LYPD6: variants seen among roughly 807,000 people sequenced by gnomAD.
LYPD6 encodes LY6/PLAUR domain containing 6.
In LYPD6, 15 loss-of-function variants were observed where a neutral mutation model predicts 22.7. That is an observed-to-expected ratio of 0.66 (90% CI 0.44 to 1.02). The LOEUF is 1.02. Ranked by LOEUF, LYPD6 falls within the 50% of genes least tolerant of loss-of-function variation. The pLI is 0.00. For missense variants in LYPD6, 189 were observed against 208.4 expected (o/e 0.91, Z 0.57); for synonymous variants, 72 against 77.5 (o/e 0.93, Z 0.37).
At chr2:149,467,729 A>G (rs1179099262) in intron 3 of LYPD6, among the ~76,000 whole-genome samples, 1 of 152,194 alleles carries the variant, frequency 6.6e-6, no homozygotes, top group Non-Finnish European at 1.5e-5. Context: ...CTTAAGAATT[A>G]TTCATTTTCT....
chr2:149,435,978 A>G (rs1473010434), intron 1 of LYPD6, among the ~76,000 whole-genome samples: 3 of 152,256 alleles, frequency 2.0e-5, no homozygotes, highest in Admixed American at 1.3e-4. Flanking sequence ...AAGTTATAAT[A>G]CTATTCACTT....
chr2:149,411,429 G>A (rs1682847451), intron 1 of LYPD6, among the ~76,000 whole-genome samples: 1 of 151,984 alleles, frequency 6.6e-6, no homozygotes, highest in Non-Finnish European at 1.5e-5. Flanking sequence ...CTTAATCATA[G>A]GCATTCCATT....
the LYPD6 span, among the ~76,000 whole-genome samples, chr2:149,483,978 A>G: frequency 6.6e-6 from 1 of 152,192 alleles, no homozygotes; most frequent in African/African-American, 2.4e-5. Flanking sequence ...TTCAGCCACC[A>G]AAAAGCGAAG....
chr2:149,357,622 A>C (rs373826820), intron 1 of LYPD6, among the ~76,000 whole-genome samples: 3 of 152,166 alleles, frequency 2.0e-5, no homozygotes, highest in Admixed American at 6.5e-5. Context: ...ATGAACTTTA[A>C]GGTGGTGATA....
chr2:149,359,271 C>G (rs562970479), intron 1 of LYPD6, among the ~76,000 whole-genome samples: 1 of 152,230 alleles, frequency 6.6e-6, no homozygotes, highest in Admixed American at 6.5e-5. Context: ...ATGGGGGTGT[C>G]CAGGCTAATG....
intron 1 of LYPD6, among the ~76,000 whole-genome samples, chr2:149,430,791 G>C (rs1404117801): frequency 2.6e-5 from 4 of 152,178 alleles, no homozygotes; most frequent in African/African-American, 9.6e-5. Flanking sequence ...TTTTCATCTA[G>C]TGACCAGTTT....
At chr2:149,479,966 C>A in the LYPD6 span, among the ~76,000 whole-genome samples, 3 of 151,998 alleles carry the variant, frequency 2.0e-5, no homozygotes, top group African/African-American at 7.2e-5. Context: ...ACACCTGTTA[C>A]ATGCCCTTTG....
intron 1 of LYPD6, among the ~76,000 whole-genome samples, chr2:149,333,103 AAG>A (rs1680970123): frequency 6.6e-6 from 1 of 152,232 alleles, no homozygotes; most frequent in Non-Finnish European, 1.5e-5. Flanking sequence ...TTATTTTAAA[AAG>A]AATTGACAAA....
chr2:149,334,143 A>G (rs559527144), intron 1 of LYPD6, among the ~76,000 whole-genome samples: 1 of 152,322 alleles, frequency 6.6e-6, no homozygotes, highest in African/African-American at 2.4e-5. Flanking sequence ...GCTTACCTGG[A>G]TACATGTAAT....
intron 1 of LYPD6, among the ~76,000 whole-genome samples, chr2:149,377,469 G>A (rs372313302): frequency 1.1e-4 from 16 of 152,218 alleles, no homozygotes; most frequent in South Asian, 6.2e-4. Flanking sequence ...TCACAGGCCC[G>A]GTAATAATGT....
At chr2:149,436,430 A>G (rs1276198629) in intron 1 of LYPD6, among the ~76,000 whole-genome samples, 1 of 152,252 alleles carries the variant, frequency 6.6e-6, no homozygotes, top group East Asian at 1.9e-4. Flanking sequence ...ATAAAAATTA[A>G]GACAGATCTC....
chr2:149,425,865 T>C (rs1292242226), intron 1 of LYPD6, among the ~76,000 whole-genome samples: 2 of 152,228 alleles, frequency 1.3e-5, no homozygotes, highest in Non-Finnish European at 2.9e-5. Flanking sequence ...ATAGTTTAGG[T>C]TGATTTAGCC....
chr2:149,480,010 T>G, the LYPD6 span, among the ~76,000 whole-genome samples: 5 of 147,356 alleles, frequency 3.4e-5, no homozygotes, highest in African/African-American at 1.3e-4. Flanking sequence ...GCTTTCCTTT[T>G]TTCTCTCTCT....
chr2:149,404,569 T>C (rs1682649304), intron 1 of LYPD6, among the ~76,000 whole-genome samples: 1 of 152,220 alleles, frequency 6.6e-6, no homozygotes, highest in Non-Finnish European at 1.5e-5. Flanking sequence ...CTTGTGATTT[T>C]TGCACATTGA....
At chr2:149,485,942 T>C in the LYPD6 span, among the ~76,000 whole-genome samples, 1 of 152,148 alleles carries the variant, frequency 6.6e-6, no homozygotes, top group African/African-American at 2.4e-5. Flanking sequence ...GGAGTAGACA[T>C]TGAATCAGGG....
chr2:149,406,585 A>G lies in LYPD6; in HGVS notation c.-71-31053A>G, dbSNP rs185563520. ...GCCTTATTTGTTTTCCATTTGCTTG[A>G]TAGATCTTCCTCCATCCTTTTATTT... On this transcript the variant is annotated intron_variant, in intron 1 of 4. Transcript: ENST00000334166. 6.1e-3 allele frequency among the ~76,000 whole-genome samples: 932 copies of G among 152,194 alleles called. 10 individuals carry two copies. Among genetic ancestry groups the G allele is most frequent in the African/African-American group, 0.021 (889 of 41,530 alleles).
chr2:149,377,452 G>C (rs1218864361), intron 1 of LYPD6, among the ~76,000 whole-genome samples: 1 of 152,168 alleles, frequency 6.6e-6, no homozygotes, highest in Non-Finnish European at 1.5e-5. Context: ...TGAAGGAACA[G>C]TGGCTCTCAC....
At chr2:149,483,513 A>T in the LYPD6 span, among the ~76,000 whole-genome samples, 4 of 152,200 alleles carry the variant, frequency 2.6e-5, no homozygotes, top group Admixed American at 1.3e-4. Flanking sequence ...CTCACTGGTC[A>T]AGAATTATTT....
At chr2:149,413,986 G>C (rs1273530851) in intron 1 of LYPD6, among the ~76,000 whole-genome samples, 1 of 152,172 alleles carries the variant, frequency 6.6e-6, no homozygotes, top group Non-Finnish European at 1.5e-5. Context: ...GTGGCCACTT[G>C]CATCTTTAAA....
Sources: gnomAD v4.1 joint callset for allele counts (sites outside exome capture counted in the v4.1 genomes callset) on GRCh38, gnomAD v4.1.1 for gene constraint, MANE v1.5 for transcripts, NCBI Gene and HGNC (gene_info 2026-07-23, HGNC 2026-07-21) for gene names.